RBL1: variants seen among roughly 807,000 people sequenced by gnomAD.
The protein encoded by RBL1 is RB transcriptional corepressor like 1.
Under a neutral mutation model 123.0 loss-of-function variants are expected in RBL1, and 82 were observed. The ratio of observed to expected loss-of-function variants is 0.67; its 90% CI spans 0.56 to 0.80. RBL1 has a LOEUF of 0.80. RBL1 is among the 30% of genes least tolerant of loss of function. The probability of loss-of-function intolerance (pLI) is 0.00; values close to 1 mark genes in which losing one functional copy is unlikely to be tolerated. For missense variants in RBL1, 1,171 were observed against 1,299.6 expected, an observed-to-expected ratio of 0.90 and a Z score of 1.52; for synonymous variants, 405 against 441.3, an observed-to-expected ratio of 0.92 and a Z score of 1.03.
intron 19 of RBL1, among the ~76,000 whole-genome samples, chr20:37,008,591 A>G (rs1036425282): frequency 7.2e-5 from 11 of 152,218 alleles, no homozygotes; most frequent in African/African-American, 2.7e-4. Flanking sequence ...ATTTACTTGT[A>G]TACACAAGAA....
At chr20:37,059,013 C>A (rs1024044400) in intron 9 of RBL1, among the ~76,000 whole-genome samples, 9 of 152,194 alleles carry the variant, frequency 5.9e-5, no homozygotes, top group Non-Finnish European at 1.3e-4. Context: ...CAATTACAGG[C>A]ATGGGCCACA....
intron 16 of RBL1, among the ~76,000 whole-genome samples, chr20:37,025,843 C>T (rs746206924): frequency 1.1e-4 from 16 of 151,406 alleles, no homozygotes; most frequent in Admixed American, 4.6e-4. Context: ...CCCAGGTTCA[C>T]GCCATTCTCC....
At chr20:37,000,906 A>C (rs2063964836) in intron 21 of RBL1, among the ~76,000 whole-genome samples, 1 of 134,452 alleles carries the variant, frequency 7.4e-6, no homozygotes, top group Non-Finnish European at 1.6e-5. Flanking sequence ...TGGGGGGGTC[A>C]GCCCCCCGCC....
intron 12 of RBL1, among the ~76,000 whole-genome samples, chr20:37,045,841 C>T (rs770878730): frequency 6.6e-6 from 1 of 152,148 alleles, no homozygotes; most frequent in Non-Finnish European, 1.5e-5. Flanking sequence ...TTCAGGCATA[C>T]TTTAGGTATA....
intron 17 of RBL1, 71 bp downstream of exon 17, chr20:37,022,579 G>A (rs2064357464): frequency 7.2e-7 from 1 of 1,393,248 alleles, no homozygotes; most frequent in Non-Finnish European, 9.6e-7. Flanking sequence ...TGCTCACCTT[G>A]ACCTCCGAAA....
At chr20:37,001,822 G>A (rs2063985800) in intron 21 of RBL1, among the ~76,000 whole-genome samples, 1 of 148,484 alleles carries the variant, frequency 6.7e-6, no homozygotes, top group Admixed American at 6.7e-5. Flanking sequence ...GAGTCCTATG[G>A]CCTTTGTGCT....
chr20:37,033,048 C>T (rs1280060377), intron 15 of RBL1, among the ~76,000 whole-genome samples, 172 bp from the exon 16 acceptor site: 5 of 142,336 alleles, frequency 3.5e-5, no homozygotes, highest in African/African-American at 1.3e-4. Flanking sequence ...GACAGGGTCT[C>T]ACTTGGTCAC....
chr20:37,053,556 T>C (rs577416164), intron 11 of RBL1, among the ~76,000 whole-genome samples: 1 of 152,332 alleles, frequency 6.6e-6, no homozygotes, highest in Admixed American at 6.5e-5. Flanking sequence ...TAAGTAATAA[T>C]CTTCCTTATT....
Position 37,061,286 on chromosome 20 carries a change from A to G in RBL1, c.1084-17T>C. On this transcript the variant is annotated splice_polypyrimidine_tract_variant and intron_variant, in intron 8 of 21. Coordinates refer to ENST00000373664, the MANE Select transcript of RBL1 (RefSeq NM_002895.5). ...TGACCTTTTCTGTCAGAAAAGAAAA[A>G]TCCGTGAGTTTTTAAAAGTTACCAT... 5 of 1,604,324 alleles carry G rather than the reference A, an allele frequency of 3.1e-6. No individual in the cohort carries two copies. Among genetic ancestry groups the G allele is most frequent in the Non-Finnish European group, 4.3e-6 (5 of 1,173,796 alleles).
At chr20:37,031,559 G>A (rs1313042550) in intron 16 of RBL1, among the ~76,000 whole-genome samples, 2 of 152,108 alleles carry the variant, frequency 1.3e-5, no homozygotes, top group African/African-American at 2.4e-5. Context: ...AACACGAAAC[G>A]TTGGCAACGA....
At chr20:37,028,333 C>G (rs2064456914) in intron 16 of RBL1, among the ~76,000 whole-genome samples, 1 of 151,988 alleles carries the variant, frequency 6.6e-6, no homozygotes, top group Non-Finnish European at 1.5e-5. Context: ...CTACTGCATT[C>G]CAGCTTGGTA....
At chr20:37,059,054 G>T (rs1021189742) in intron 9 of RBL1, among the ~76,000 whole-genome samples, 4 of 152,044 alleles carry the variant, frequency 2.6e-5, no homozygotes, top group Admixed American at 2.6e-4. Flanking sequence ...TTTGTGTCTA[G>T]ATTTTTTTTC....
At chr20:37,031,166 G>A (rs1474448348) in intron 16 of RBL1, among the ~76,000 whole-genome samples, 1 of 152,008 alleles carries the variant, frequency 6.6e-6, no homozygotes, top group Non-Finnish European at 1.5e-5. Flanking sequence ...GACACCAAAA[G>A]CACAGACAAA....
chr20:37,018,195 T>A (rs1434831813), intron 19 of RBL1, 84 bp downstream of exon 19: 1 of 1,375,006 alleles, frequency 7.3e-7, no homozygotes, highest in African/African-American at 1.5e-5. Flanking sequence ...TGATTCACAT[T>A]TCCATGTTGT....
At chr20:37,078,653 A>G (rs2065401003) in intron 2 of RBL1, among the ~76,000 whole-genome samples, 2 of 152,222 alleles carry the variant, frequency 1.3e-5, no homozygotes, top group African/African-American at 4.8e-5. Flanking sequence ...TAAGTGAAAT[A>G]AGCATGTCAC....
At chr20:37,073,199 C>T (rs1201747827) in intron 2 of RBL1, among the ~76,000 whole-genome samples, 2 of 152,088 alleles carry the variant, frequency 1.3e-5, no homozygotes, top group Non-Finnish European at 2.9e-5. Context: ...AAACAAGAGC[C>T]TTGACTACAT....
chr20:37,057,995 C>T (rs544627447), intron 9 of RBL1, among the ~76,000 whole-genome samples: 3 of 151,744 alleles, frequency 2.0e-5, no homozygotes, highest in African/African-American at 7.3e-5. Flanking sequence ...CGTGGTGGTG[C>T]ATGCCTGTCA....
chr20:37,045,630 G>A (rs2064808470), intron 12 of RBL1, among the ~76,000 whole-genome samples: 1 of 152,024 alleles, frequency 6.6e-6, no homozygotes, highest in Non-Finnish European at 1.5e-5. Context: ...AAATAAGGAT[G>A]TTATAAATAA....
chr20:37,016,042 T>TTTTTC (rs1568825336), intron 19 of RBL1, among the ~76,000 whole-genome samples: 1 of 137,426 alleles, frequency 7.3e-6, no homozygotes, highest in African/African-American at 2.6e-5. Flanking sequence ...TTTTTTTTTT[T>TTTTTC]CTTGAGATGG....
Sources: gnomAD v4.1 joint callset for allele counts (sites outside exome capture counted in the v4.1 genomes callset) on GRCh38, gnomAD v4.1.1 for gene constraint, MANE v1.5 for transcripts, NCBI Gene and HGNC (gene_info 2026-07-23, HGNC 2026-07-21) for gene names.